The following PTGER4 variants were observed in gnomAD, a reference collection of about 807,000 sequenced individuals.
PTGER4 encodes the protein prostaglandin E2 receptor EP4 subtype.
Under a neutral mutation model 33.2 loss-of-function variants are expected in PTGER4, and 11 were observed. The ratio of observed to expected loss-of-function variants is 0.33; its 90% CI spans 0.21 to 0.55. The LOEUF (loss-of-function observed/expected upper bound fraction) is 0.55. Ranked by LOEUF, PTGER4 falls within the 20% of genes least tolerant of loss-of-function variation. The probability of loss-of-function intolerance (pLI) is 0.92; values close to 1 mark genes in which losing one functional copy is unlikely to be tolerated. For missense variants in PTGER4, 481 were observed against 650.2 expected (o/e 0.74, Z 2.83); for synonymous variants, 275 against 281.5 (o/e 0.98, Z 0.23).
the PTGER4 span, among the ~76,000 whole-genome samples, chr5:40,703,473 C>G: frequency 6.6e-6 from 1 of 152,152 alleles, no homozygotes; most frequent in Non-Finnish European, 1.5e-5. Flanking sequence ...AGACCAATAA[C>G]AAGCTCTGAA....
the PTGER4 span, among the ~76,000 whole-genome samples, chr5:40,708,019 C>A: frequency 4.6e-5 from 7 of 152,134 alleles, no homozygotes; most frequent in Non-Finnish European, 7.4e-5. Flanking sequence ...ATCTCTGGGA[C>A]ACATTTAAAG....
chr5:40,687,616 G>A (rs546993839), intron 2 of PTGER4, among the ~76,000 whole-genome samples: 2 of 152,118 alleles, frequency 1.3e-5, no homozygotes, highest in Admixed American at 6.5e-5. Context: ...TGCAAGATGC[G>A]TGGAGTTTTT....
At chr5:40,720,749 T>G in the PTGER4 span, among the ~76,000 whole-genome samples, 1 of 152,026 alleles carries the variant, frequency 6.6e-6, no homozygotes, top group African/African-American at 2.4e-5. Context: ...GAATACACAC[T>G]CATCAAAGCC....
chr5:40,703,231 A>G, the PTGER4 span, among the ~76,000 whole-genome samples: 1 of 151,602 alleles, frequency 6.6e-6, no homozygotes, highest in Non-Finnish European at 1.5e-5. Context: ...GCAAAAAAAA[A>G]AAATTAATAA....
the PTGER4 span, among the ~76,000 whole-genome samples, chr5:40,700,154 A>G: frequency 2.6e-5 from 4 of 152,266 alleles, no homozygotes; most frequent in African/African-American, 9.6e-5. Flanking sequence ...ATAGTTATCA[A>G]AATTGGAAGA....
At chr5:40,697,061 AAAAG>A (rs781018879), downstream of PTGER4, among the ~76,000 whole-genome samples, 37 of 79,832 alleles carry the variant, frequency 4.6e-4, no homozygotes, top group East Asian at 2.1e-3. Context: ...GGAAAGAAAG[AAAAG>A]AAAGAAAGGA....
At chr5:40,694,099 A>G (rs45454991), downstream of PTGER4, among the ~76,000 whole-genome samples, 636 of 152,252 alleles carry the variant, frequency 4.2e-3, 3 homozygotes, top group African/African-American at 0.015. Flanking sequence ...CACCCAGACT[A>G]GAGTGCATTG....
At chr5:40,731,352 ATCCCCTGCT>A in the PTGER4 span, among the ~76,000 whole-genome samples, 1 of 111,896 alleles carries the variant, frequency 8.9e-6, no homozygotes, top group African/African-American at 3.3e-5. Flanking sequence ...GTTAGTATGG[ATCCCCTGCT>A]ACACATACAC....
the PTGER4 span, among the ~76,000 whole-genome samples, chr5:40,724,676 T>A: frequency 6.6e-6 from 1 of 151,646 alleles, no homozygotes; most frequent in Non-Finnish European, 1.5e-5. Flanking sequence ...AGAACAATAA[T>A]AAAGCTCATA....
At chr5:40,741,643 C>T in the PTGER4 span, among the ~76,000 whole-genome samples, 93 of 152,312 alleles carry the variant, frequency 6.1e-4, no homozygotes, top group African/African-American at 2.2e-3. Context: ...TGTGGTCTAT[C>T]TGGTTTCCTC....
the PTGER4 span, chr5:40,746,676 T>G: frequency 1.3e-6 from 1 of 744,328 alleles, no homozygotes; most frequent in East Asian, 2.9e-5. Context: ...TTTGATTAAT[T>G]TAGCACCTAG....
chr5:40,726,249 G>A, the PTGER4 span, among the ~76,000 whole-genome samples: 2 of 150,500 alleles, frequency 1.3e-5, no homozygotes, highest in African/African-American at 4.9e-5. Context: ...ATTTTCCAAT[G>A]TTCACATCCA....
the PTGER4 span, among the ~76,000 whole-genome samples, chr5:40,703,168 A>G: frequency 1.3e-5 from 2 of 152,030 alleles, no homozygotes; most frequent in Non-Finnish European, 2.9e-5. Context: ...AGAGCTGAAA[A>G]TCAAGAATTC....
At chr5:40,743,805 A>G in the PTGER4 span, among the ~76,000 whole-genome samples, 1 of 152,206 alleles carries the variant, frequency 6.6e-6, no homozygotes, top group Non-Finnish European at 1.5e-5. Context: ...GTTATTTTCT[A>G]AAGCAGTATA....
At chr5:40,739,141 G>C in the PTGER4 span, among the ~76,000 whole-genome samples, 1 of 152,074 alleles carries the variant, frequency 6.6e-6, no homozygotes, top group African/African-American at 2.4e-5. Flanking sequence ...TACTATAAAG[G>C]TATAACATTC....
At chr5:40,682,706 A>G (rs1268000177) in intron 2 of PTGER4, among the ~76,000 whole-genome samples, 1 of 152,186 alleles carries the variant, frequency 6.6e-6, no homozygotes, top group Non-Finnish European at 1.5e-5. Flanking sequence ...ATTTTAGAGA[A>G]ACCGAGGTTT....
chr5:40,684,686 A>C (rs1024043216), intron 2 of PTGER4, among the ~76,000 whole-genome samples: 1 of 152,240 alleles, frequency 6.6e-6, no homozygotes, highest in African/African-American at 2.4e-5. Flanking sequence ...CTGAACCTGC[A>C]GCATTCTTTG....
At chr5:40,697,342 T>C (rs1239215746), downstream of PTGER4, among the ~76,000 whole-genome samples, 1 of 151,336 alleles carries the variant, frequency 6.6e-6, no homozygotes, top group Non-Finnish European at 1.5e-5. Context: ...TCCCAGCACT[T>C]TGGAAGGCCG....
At chr5:40,705,571 G>T in the PTGER4 span, among the ~76,000 whole-genome samples, 26 of 152,212 alleles carry the variant, frequency 1.7e-4, no homozygotes, top group Non-Finnish European at 1.2e-4. Context: ...TTTGCAAACT[G>T]TGCATCTGAC....
Sources: gnomAD v4.1 joint callset for allele counts (sites outside exome capture counted in the v4.1 genomes callset) on GRCh38, gnomAD v4.1.1 for gene constraint, MANE v1.5 for transcripts, NCBI Gene and HGNC (gene_info 2026-07-23, HGNC 2026-07-21) for gene names.